CST9L: variants seen among roughly 807,000 people sequenced by gnomAD.
The protein encoded by CST9L is cystatin-9-like.
A neutral mutation model predicts 13.2 loss-of-function variants in CST9L; 17 were observed. The observed-to-expected ratio is 1.29, with a 90% confidence interval of 0.88 to 1.93. The LOEUF (loss-of-function observed/expected upper bound fraction) is 1.93, where lower values mean the gene tolerates loss of function less well. Ranked by LOEUF, CST9L falls within the 30% of genes most tolerant of loss-of-function variation. The pLI is 0.00. For synonymous variants in CST9L, 78 were observed against 69.1 expected (o/e 1.13, Z -0.64); for missense variants, 170 against 170.5 (o/e 1.00, Z 0.02).
intron 1 of CST9L, among the ~76,000 whole-genome samples, chr20:23,567,482 T>C (rs1013067185): frequency 7.9e-6 from 1 of 126,490 alleles, no homozygotes; most frequent in Non-Finnish European, 1.6e-5. Flanking sequence ...TACTCTAGCC[T>C]GGGTGACAGA....
rs370309011 is a variant in CST9L at position 23,565,042 on chromosome 20, G to C, written c.355-5C>G. On this transcript the variant is annotated splice_region_variant and splice_polypyrimidine_tract_variant and intron_variant, in intron 2 of 2. Transcript: ENST00000376979. The stretch of plus-strand genomic sequence containing the variant: ...GGTGAAGAAGCAGGTGAAAGTCTGA[G>C]AGAACAAGCACAGGAAGGGACAGTG... 2.5e-6 allele frequency: 4 copies of C among 1,610,288 alleles called. No individual in the cohort carries two copies. Among genetic ancestry groups the C allele is most frequent in the Non-Finnish European group, 3.4e-6 (4 of 1,176,748 alleles).
At chr20:23,566,154 G>A (rs1357664937) in intron 1 of CST9L, 67 bp from the exon 2 acceptor site, 3 of 902,684 alleles carry the variant, frequency 3.3e-6, no homozygotes, top group Non-Finnish European at 5.6e-6. Flanking sequence ...TGCTGGTGAA[G>A]ATGTCATTTG....
In CST9L at chr20:23,566,104, G is replaced by A. The variant is rs1271188086; in HGVS notation, c.241-17C>T. 2 of 1,366,164 alleles carry A rather than the reference G, an allele frequency of 1.5e-6. No homozygotes were observed. Among genetic ancestry groups the A allele is most frequent in the Non-Finnish European group, 2.1e-6 (2 of 953,446 alleles). 84.6% of individuals were successfully genotyped at this position (1,366,164 alleles called of 1,614,324 possible). ...GGACTCCACCTATTGCACACAGAGA[G>A]ATTAATGTGAACACACCCTCCTTGT... On this transcript the variant is annotated splice_polypyrimidine_tract_variant and intron_variant, in intron 1 of 2. Coordinates refer to ENST00000376979, the MANE Select transcript of CST9L (RefSeq NM_080610.3).
intron 1 of CST9L, among the ~76,000 whole-genome samples, chr20:23,567,178 AG>A (rs1989109424): frequency 6.6e-6 from 1 of 152,090 alleles, no homozygotes; most frequent in South Asian, 2.1e-4. Context: ...TTCAGTAATG[AG>A]GTAGGAAGAG....
chr20:23,565,124 A>G, intron 2 of CST9L, 87 bp from the exon 3 acceptor site: 2 of 935,190 alleles, frequency 2.1e-6, no homozygotes, highest in Non-Finnish European at 3.5e-6. Flanking sequence ...CTTCCTCTCC[A>G]CATTGCCCTT....
chr20:23,565,167 T>G (rs929272924), intron 2 of CST9L, 130 bp from the exon 3 acceptor site: 1 of 701,766 alleles, frequency 1.4e-6, no homozygotes, highest in Non-Finnish European at 2.6e-6. Flanking sequence ...ACGGGGCCTC[T>G]GGCTATCATG....
intron 1 of CST9L, among the ~76,000 whole-genome samples, chr20:23,566,363 T>C (rs1021284690): frequency 2.6e-5 from 4 of 152,194 alleles, no homozygotes; most frequent in African/African-American, 7.2e-5. Flanking sequence ...TCACTCTCAG[T>C]CAGTGTCTGA....
At chr20:23,565,520 T>C (rs1361151443) in intron 2 of CST9L, among the ~76,000 whole-genome samples, 1 of 151,654 alleles carries the variant, frequency 6.6e-6, no homozygotes, top group Non-Finnish European at 1.5e-5. Flanking sequence ...GGAGGGAGGG[T>C]AGTGGGGCTC....
intron 1 of CST9L, among the ~76,000 whole-genome samples, chr20:23,567,235 T>C (rs35022860): frequency 0.36 from 54,430 of 151,984 alleles, 10,431 homozygotes; most frequent in East Asian, 0.56. Context: ...CTTAGCTGGG[T>C]GCAGTGGCTC....
chr20:23,565,253 G>T (rs111594463), intron 2 of CST9L, among the ~76,000 whole-genome samples: 4 of 152,132 alleles, frequency 2.6e-5, no homozygotes, highest in Admixed American at 2.0e-4. Flanking sequence ...ACCCAGGGGC[G>T]CCTGTGCAAT....
In CST9L at chr20:23,568,341, CA is replaced by C; in HGVS notation, c.109del (p.Cys37ValfsTer38). The C allele has an allele frequency of 6.2e-7, 1 of 1,614,238 alleles. No individual in the cohort carries two copies. Among genetic ancestry groups the C allele is most frequent in the Middle Eastern group, 1.6e-4 (1 of 6,062 alleles). On this transcript the variant is annotated frameshift_variant, in exon 1 of 3. Coordinates refer to ENST00000376979, the MANE Select transcript of CST9L (RefSeq NM_080610.3). LOFTEE classifies it high-confidence loss of function. The stretch of plus-strand genomic sequence containing the variant: ...ACGAGCCATGACATTGTGTTCATCA[CA>C]GTCCCTTTGCTCGTGGAAATGCCAG... ...YAWHFHEQRD[C>X]DEHNVMARYL...
At chr20:23,568,118 T>TCTTCAATAA in intron 1 of CST9L, 93 bp downstream of exon 1, 1 of 1,326,268 alleles carries the variant, frequency 7.5e-7, no homozygotes, top group South Asian at 1.3e-5. Context: ...TGAACAAGAC[T>TCTTCAATAA]CTTCAATAAG....
intron 2 of CST9L, 108 bp from the exon 3 acceptor site, chr20:23,565,145 A>G (rs1989073628): frequency 1.3e-6 from 1 of 796,966 alleles, no homozygotes; most frequent in Admixed American, 1.8e-5. Context: ...TCCCAGGTCA[A>G]GCAGTGGGAA....
intron 1 of CST9L, 37 bp from the exon 2 acceptor site, chr20:23,566,124 C>G (rs1989092792): frequency 8.9e-7 from 1 of 1,124,356 alleles, no homozygotes; most frequent in African/African-American, 1.5e-5. Context: ...AACACACCCT[C>G]CTTGTTGCCC....
chr20:23,568,464 G>C lies in CST9L; in HGVS notation c.-14C>G. 1 of 1,611,850 alleles carries C rather than the reference G, an allele frequency of 6.2e-7. No homozygotes were observed. Among genetic ancestry groups the C allele is most frequent in the African/African-American group, 1.3e-5 (1 of 75,004 alleles). On this transcript the variant is annotated 5_prime_UTR_variant, in exon 1 of 3. Transcript: ENST00000376979. ...CAGGCCCAGCATGGTGCTGACTGTA[G>C]GCACCGCTGACTTTGCTCTTCCCAG...
At chr20:23,567,553 T>C (rs368186324) in intron 1 of CST9L, among the ~76,000 whole-genome samples, 6 of 151,158 alleles carry the variant, frequency 4.0e-5, no homozygotes, top group East Asian at 1.9e-4. Flanking sequence ...ACTATTTTCA[T>C]TGTTCATGCC....
chr20:23,565,953 G>C, intron 2 of CST9L, 21 bp downstream of exon 2: 1 of 1,293,854 alleles, frequency 7.7e-7, no homozygotes, highest in Non-Finnish European at 1.1e-6. Context: ...ATCCAGGAGG[G>C]AAGCTGGTGT....
At chr20:23,568,112 C>A (rs114733042) in intron 1 of CST9L, 99 bp downstream of exon 1, 2 of 1,264,224 alleles carry the variant, frequency 1.6e-6, no homozygotes, top group East Asian at 4.7e-5. Flanking sequence ...AACTGGTGAA[C>A]AAGACTCTTC....
chr20:23,565,979 T>C lies in CST9L; in HGVS notation c.349A>G (p.Asn117Asp), dbSNP rs947627604. 1.2e-5 allele frequency: 18 copies of C among 1,562,984 alleles called. No homozygotes were observed. The highest frequency in any genetic ancestry group is 1.3e-5 in the Non-Finnish European group (15 of 1,133,266). ...AAGCTGGTGTCCTGTCTTACATTGTTCAGCTCTGTGCTTTCTTGGAAATGG... is the reference window on the plus strand; with the variant it reads ...AAGCTGGTGTCCTGTCTTACATTGTCCAGCTCTGTGCTTTCTTGGAAATGG... The part of the protein sequence containing the change: ...NCHFQESTEL[N>D]NTFTCFFTIS... Residue 117 changes from asparagine to aspartate, a missense_variant, in exon 2 of 3, where the codon AAC (asparagine) becomes GAC (aspartate). Asn to Asp is a conservative substitution (Grantham distance 23). Coordinates refer to ENST00000376979, the MANE Select transcript of CST9L (RefSeq NM_080610.3).
Sources: allele counts gnomAD v4.1 joint callset (sites outside exome capture counted in the v4.1 genomes callset), GRCh38; gene constraint gnomAD v4.1.1; transcripts MANE v1.5; gene names NCBI Gene and HGNC (gene_info 2026-07-23, HGNC 2026-07-21).